ABCD3: variants seen among roughly 807,000 people sequenced by gnomAD.
ABCD3 encodes the protein ATP binding cassette subfamily D member 3, also known as ATP-binding cassette sub-family D member 3.
ABCD3 carries 41 observed loss-of-function variants against 105.5 expected under a neutral mutation model. That is an observed-to-expected ratio of 0.39 (90% confidence interval 0.30 to 0.50). ABCD3 has a LOEUF of 0.50. ABCD3 is among the 20% of genes least tolerant of loss of function. ABCD3 has a pLI of 0.84. For synonymous variants in ABCD3, 258 were observed against 269.0 expected, an observed-to-expected ratio of 0.96 and a Z score of 0.40; for missense variants, 622 against 806.3, an observed-to-expected ratio of 0.77 and a Z score of 2.77.
the ABCD3 span, among the ~76,000 whole-genome samples, chr1:94,387,177 G>T: frequency 1.3e-5 from 2 of 152,268 alleles, no homozygotes; most frequent in East Asian, 3.9e-4. Flanking sequence ...TTATTGCCAA[G>T]TGCCTGGGTG....
chr1:94,450,642 G>A (rs1432691020), intron 1 of ABCD3, among the ~76,000 whole-genome samples: 1 of 152,168 alleles, frequency 6.6e-6, no homozygotes, highest in Non-Finnish European at 1.5e-5. Flanking sequence ...CAATAAATAT[G>A]TGGGTAAATC....
Position 94,475,702 on chromosome 1 carries a change from A to C in ABCD3, c.592A>C (p.Asn198His). Residue 198 changes from asparagine (N) to histidine (H), a missense_variant, in exon 7 of 23, where the codon AAC becomes CAC. By Grantham distance (68) the Asn-to-His change is moderately conservative (BLOSUM62 1). This residue lies in a region of ABCD3 where 245 missense variants were observed against 356.4 expected (regional missense o/e 0.69). Coordinates refer to ENST00000370214, the MANE Select transcript of ABCD3 (RefSeq NM_002858.4). ...TACACAAGATGTAGAAAAATTTTGT[A>C]ACAGTGTAGTCGATCTGTATTCAAA... is the stretch of plus-strand genomic sequence containing the variant. ...LLTQDVEKFC[N>H]SVVDLYSNLS... 1.2e-6 allele frequency: 2 copies of C among 1,607,518 alleles called. No individual in the cohort carries two copies. Among genetic ancestry groups the C allele is most frequent in the Non-Finnish European group, 1.7e-6 (2 of 1,174,372 alleles).
intron 20 of ABCD3, among the ~76,000 whole-genome samples, chr1:94,501,948 C>T (rs1425399199): frequency 6.6e-6 from 1 of 151,232 alleles, no homozygotes; most frequent in African/African-American, 2.4e-5. Context: ...AATATTAATC[C>T]TTCCCTTTCC....
At chr1:94,475,908 A>G (rs938296987) in intron 7 of ABCD3, among the ~76,000 whole-genome samples, 171 bp downstream of exon 7, 1 of 152,074 alleles carries the variant, frequency 6.6e-6, no homozygotes, top group Non-Finnish European at 1.5e-5. Context: ...AATTTTTTCT[A>G]TTATTTTTGT....
intron 1 of ABCD3, among the ~76,000 whole-genome samples, chr1:94,442,241 G>T (rs1014400806): frequency 6.6e-6 from 1 of 152,122 alleles, no homozygotes; most frequent in East Asian, 1.9e-4. Context: ...AAAATACTGT[G>T]CAATTGCTAT....
chr1:94,509,511 T>A (rs1461534791), intron 21 of ABCD3, among the ~76,000 whole-genome samples: 1 of 152,326 alleles, frequency 6.6e-6, no homozygotes, highest in East Asian at 1.9e-4. Flanking sequence ...ATGAAATGAG[T>A]TAGGGAGGAT....
At chr1:94,511,949 A>C (rs1650693439) in intron 21 of ABCD3, among the ~76,000 whole-genome samples, 1 of 152,158 alleles carries the variant, frequency 6.6e-6, no homozygotes, top group South Asian at 2.1e-4. Flanking sequence ...TTCCTCCCGT[A>C]GCTCGGAGTA....
intron 20 of ABCD3, among the ~76,000 whole-genome samples, chr1:94,504,825 A>T (rs1201426921): frequency 6.6e-6 from 1 of 152,218 alleles, no homozygotes; most frequent in Non-Finnish European, 1.5e-5. Context: ...CTTGTAGTCT[A>T]TCCAGACAGG....
At chr1:94,507,156 A>G (rs1034498030) in intron 21 of ABCD3, among the ~76,000 whole-genome samples, 67 of 151,364 alleles carry the variant, frequency 4.4e-4, no homozygotes, top group African/African-American at 1.6e-3. Flanking sequence ...CCACCCCACA[A>G]CAGTCCCCAG....
intron 1 of ABCD3, among the ~76,000 whole-genome samples, chr1:94,436,783 G>A (rs1414084615): frequency 6.6e-6 from 1 of 152,188 alleles, no homozygotes; most frequent in African/African-American, 2.4e-5. Context: ...GGGGTGCCAT[G>A]AAATTCAAAA....
At chr1:94,516,351 G>C (rs1650922249) in intron 22 of ABCD3, among the ~76,000 whole-genome samples, 1 of 151,868 alleles carries the variant, frequency 6.6e-6, no homozygotes, top group Non-Finnish European at 1.5e-5. Flanking sequence ...ATTATTTTAT[G>C]GCATATTATA....
intron 1 of ABCD3, among the ~76,000 whole-genome samples, chr1:94,434,232 CCA>C (rs1659806940): frequency 6.6e-6 from 1 of 152,022 alleles, no homozygotes; most frequent in Non-Finnish European, 1.5e-5. Context: ...ATATCTTGTC[CCA>C]CTGGAAGGTC....
the ABCD3 span, among the ~76,000 whole-genome samples, chr1:94,398,850 G>A: frequency 2.0e-5 from 3 of 152,240 alleles, no homozygotes; most frequent in Admixed American, 2.0e-4. Context: ...GGAGGCAGAG[G>A]ATGCAGTGAG....
intron 1 of ABCD3, among the ~76,000 whole-genome samples, chr1:94,436,528 G>A (rs1659908648): frequency 6.6e-6 from 1 of 152,136 alleles, no homozygotes; most frequent in Admixed American, 6.5e-5. Context: ...ATATAGGCAT[G>A]CCTCATTTTA....
At chr1:94,424,908 C>A (rs1659404023) in intron 1 of ABCD3, among the ~76,000 whole-genome samples, 1 of 152,162 alleles carries the variant, frequency 6.6e-6, no homozygotes, top group Admixed American at 6.5e-5. Flanking sequence ...ACAGTTATAG[C>A]CCCAGTGGCT....
chr1:94,492,289 T>C (rs1426404708), intron 16 of ABCD3, among the ~76,000 whole-genome samples: 1 of 152,140 alleles, frequency 6.6e-6, no homozygotes, highest in African/African-American at 2.4e-5. Flanking sequence ...TGATAGTTTA[T>C]AAAATAAAGA....
the ABCD3 span, among the ~76,000 whole-genome samples, chr1:94,413,289 AT>A: frequency 2.0e-5 from 3 of 150,484 alleles, no homozygotes; most frequent in Admixed American, 6.6e-5. Context: ...TATGTATTCA[AT>A]TTTTTTTTCA....
intron 2 of ABCD3, 125 bp downstream of exon 2, chr1:94,458,768 A>G (rs1373554439): frequency 6.6e-6 from 6 of 914,990 alleles, no homozygotes; most frequent in Non-Finnish European, 1.0e-5. Flanking sequence ...CCAGTCTTCT[A>G]CACATTACAG....
At chr1:94,410,638 C>T in the ABCD3 span, among the ~76,000 whole-genome samples, 11 of 152,250 alleles carry the variant, frequency 7.2e-5, no homozygotes, top group South Asian at 4.1e-4. Flanking sequence ...GTCAGCTGAA[C>T]GCCTAGGTCT....
Sources: gnomAD v4.1 joint callset for allele counts (sites outside exome capture counted in the v4.1 genomes callset) on GRCh38, gnomAD v4.1.1 for gene constraint, gnomAD v4.1.1 regional missense constraint, MANE v1.5 for transcripts, NCBI Gene and HGNC (gene_info 2026-07-23, HGNC 2026-07-21) for gene names.